Variants in RAB38 observed in about 807,000 individuals in gnomAD.
RAB38 encodes RAB38, member RAS oncogene family, also known as ras-related protein Rab-38.
A neutral mutation model predicts 18.4 loss-of-function variants in RAB38; 15 were observed. The observed-to-expected ratio is 0.82, with a 90% CI of 0.55 to 1.26. The LOEUF (loss-of-function observed/expected upper bound fraction) is 1.26. Among genes scored for constraint, RAB38 ranks in the 50% most tolerant of loss-of-function variants. RAB38 has a pLI of 0.00. For synonymous variants in RAB38, 101 were observed against 104.4 expected, an observed-to-expected ratio of 0.97 and a Z score of 0.20; for missense variants, 294 against 267.4, an observed-to-expected ratio of 1.10 and a Z score of -0.69.
At chr11:87,841,880 G>T in the RAB38 span, among the ~76,000 whole-genome samples, 1 of 152,166 alleles carries the variant, frequency 6.6e-6, no homozygotes, top group Admixed American at 6.6e-5. Flanking sequence ...TCTGTTAAGG[G>T]ACATTTGGAG....
chr11:88,021,209 GA>G, the RAB38 span, among the ~76,000 whole-genome samples: 1 of 152,084 alleles, frequency 6.6e-6, no homozygotes, highest in Non-Finnish European at 1.5e-5. Flanking sequence ...GCCACACTAA[GA>G]AAGAGAGAAG....
chr11:87,849,057 A>G, the RAB38 span, among the ~76,000 whole-genome samples: 1 of 152,096 alleles, frequency 6.6e-6, no homozygotes, highest in African/African-American at 2.4e-5. Flanking sequence ...GACTTACTTC[A>G]GTTGAAACAG....
At chr11:87,977,610 A>G in the RAB38 span, among the ~76,000 whole-genome samples, 1 of 118,490 alleles carries the variant, frequency 8.4e-6, no homozygotes, top group Non-Finnish European at 1.6e-5. Flanking sequence ...CTATACAATT[A>G]TATAATTATG....
chr11:87,973,643 G>C, the RAB38 span, among the ~76,000 whole-genome samples: 3 of 142,742 alleles, frequency 2.1e-5, no homozygotes, highest in Non-Finnish European at 4.8e-5. Context: ...GCAGTGTGGA[G>C]GGTACTCAGA....
the RAB38 span, among the ~76,000 whole-genome samples, chr11:87,938,722 C>G: frequency 6.9e-6 from 1 of 145,170 alleles, no homozygotes; most frequent in Non-Finnish European, 1.5e-5. Context: ...TTGTTTGTGA[C>G]CATGCGCATT....
chr11:88,167,436 T>C (rs1055563314), intron 1 of RAB38: 1 of 152,054 alleles, frequency 6.6e-6, no homozygotes, highest in African/African-American at 2.4e-5. Context: ...GAATATCAAC[T>C]GGAGAACAAC....
chr11:87,849,123 C>T, the RAB38 span, among the ~76,000 whole-genome samples: 5 of 152,034 alleles, frequency 3.3e-5, no homozygotes, highest in South Asian at 2.1e-4. Context: ...ACTTTCGCCA[C>T]CATAGAGCGT....
At chr11:87,918,881 C>T in the RAB38 span, among the ~76,000 whole-genome samples, 1 of 151,490 alleles carries the variant, frequency 6.6e-6, no homozygotes, top group African/African-American at 2.4e-5. Flanking sequence ...TTGGTGTGAT[C>T]CCATTTGTCT....
the RAB38 span, among the ~76,000 whole-genome samples, chr11:87,977,884 T>C: frequency 9.9e-5 from 11 of 110,898 alleles, no homozygotes; most frequent in East Asian, 2.2e-3. Flanking sequence ...TATAAAGATG[T>C]AGTCATAGAT....
the RAB38 span, among the ~76,000 whole-genome samples, chr11:87,865,588 T>C: frequency 5.9e-4 from 90 of 151,594 alleles, no homozygotes; most frequent in Non-Finnish European, 6.9e-4. Context: ...AACCGTGAGA[T>C]GAAATATGTT....
At chr11:88,091,188 G>A in the RAB38 span, among the ~76,000 whole-genome samples, 1 of 151,954 alleles carries the variant, frequency 6.6e-6, no homozygotes, top group African/African-American at 2.4e-5. Flanking sequence ...TGGGAGCAGG[G>A]GATGGAGGGA....
chr11:88,042,830 C>T, the RAB38 span, among the ~76,000 whole-genome samples: 1 of 152,124 alleles, frequency 6.6e-6, no homozygotes, highest in African/African-American at 2.4e-5. Flanking sequence ...ACCCAGGGCT[C>T]AAGGCTTATT....
At chr11:87,868,056 C>T in the RAB38 span, among the ~76,000 whole-genome samples, 10 of 151,702 alleles carry the variant, frequency 6.6e-5, no homozygotes, top group Non-Finnish European at 1.5e-4. Context: ...CATAGAATAT[C>T]TTGAAATGTG....
chr11:87,871,143 G>T, the RAB38 span, among the ~76,000 whole-genome samples: 7 of 151,672 alleles, frequency 4.6e-5, no homozygotes, highest in Admixed American at 3.3e-4. Flanking sequence ...TCACCTGAGG[G>T]TCTAAACATG....
At chr11:87,849,171 C>T in the RAB38 span, among the ~76,000 whole-genome samples, 1 of 152,140 alleles carries the variant, frequency 6.6e-6, no homozygotes, top group African/African-American at 2.4e-5. Flanking sequence ...TGGTACAAAA[C>T]TTTGCACCAC....
chr11:88,110,854 T>A (rs369856511), downstream of RAB38, among the ~76,000 whole-genome samples: 1 of 151,572 alleles, frequency 6.6e-6, no homozygotes, highest in Non-Finnish European at 1.5e-5. Context: ...AGAAAGGTGT[T>A]TAGGCCAGGT....
chr11:87,927,357 TA>T, the RAB38 span, among the ~76,000 whole-genome samples: 1 of 152,112 alleles, frequency 6.6e-6, no homozygotes, highest in African/African-American at 2.4e-5. Context: ...AGTTGGATTA[TA>T]AATGAGTTTC....
At chr11:87,894,226 C>T in the RAB38 span, among the ~76,000 whole-genome samples, 3 of 151,548 alleles carry the variant, frequency 2.0e-5, no homozygotes, top group South Asian at 6.2e-4. Flanking sequence ...GATAATAGGA[C>T]AGCCCCAGAA....
At chr11:88,044,699 A>G in the RAB38 span, among the ~76,000 whole-genome samples, 1 of 151,972 alleles carries the variant, frequency 6.6e-6, no homozygotes, top group Non-Finnish European at 1.5e-5. Context: ...TCTGTTCCCA[A>G]TGCGACTCAT....
Sources: gnomAD v4.1 joint callset for allele counts (sites outside exome capture counted in the v4.1 genomes callset) on GRCh38, gnomAD v4.1.1 for gene constraint, MANE v1.5 for transcripts, NCBI Gene and HGNC (gene_info 2026-07-23, HGNC 2026-07-21) for gene names.